Variants in WIZ observed in about 807,000 individuals in gnomAD.
The protein encoded by WIZ is WIZ zinc finger, also known as protein Wiz.
Under a neutral mutation model 140.2 loss-of-function variants are expected in WIZ, and 25 were observed. The ratio of observed to expected loss-of-function variants is 0.18; its 90% CI spans 0.13 to 0.25. The LOEUF (loss-of-function observed/expected upper bound fraction) is 0.25. Ranked by LOEUF, WIZ falls within the 10% of genes least tolerant of loss-of-function variation. The pLI, the probability that WIZ is intolerant of heterozygous loss-of-function variation, is 1.00. For missense variants in WIZ, 2,231 were observed against 2,632.6 expected, an observed-to-expected ratio of 0.85 and a Z score of 3.34; for synonymous variants, 1,125 against 1,154.3, an observed-to-expected ratio of 0.97 and a Z score of 0.51.
intron 5 of WIZ, among the ~76,000 whole-genome samples, chr19:15,431,554 T>C (rs1247551119): frequency 1.3e-5 from 2 of 152,046 alleles, no homozygotes; most frequent in Non-Finnish European, 2.9e-5. Flanking sequence ...AGAGAGGGAA[T>C]TCAACACAAC....
In WIZ at chr19:15,427,315, G is replaced by T; in HGVS notation, c.4033C>A (p.Pro1345Thr). Residue 1345 changes from proline to threonine, a missense_variant, in exon 9 of 13, where the codon CCA becomes ACA. Physicochemically the swap from Pro to Thr is conservative, Grantham distance 38 (BLOSUM62 -1). This residue lies in a region of WIZ where 393 missense variants were observed against 451.7 expected (regional missense o/e 0.87). Transcript: ENST00000673675. The surrounding 1 kb of genome is among the most constrained non-coding windows in gnomAD (Gnocchi z 6.4). ...CCCATCATCTTGGCCAGGGCTTTTG[G>T]GCTTGGCCCTGGTGGGTTGGGAGGT... The part of the protein sequence containing the change: ...GGPPNPPGPS[P>T]KALAKMMGGA... The T allele has an allele frequency of 6.2e-7, 1 of 1,613,682 alleles. No individual in the cohort carries two copies. The highest frequency in any genetic ancestry group is 8.5e-7 in the Non-Finnish European group (1 of 1,179,854).
In WIZ at chr19:15,429,693, G is replaced by A; in HGVS notation, c.3308C>T (p.Thr1103Ile). 1 of 1,441,928 alleles carries A rather than the reference G, an allele frequency of 6.9e-7. No individual in the cohort carries two copies. Among genetic ancestry groups the A allele is most frequent in the South Asian group, 1.4e-5 (1 of 69,032 alleles). The allele number at this position is 1,441,928 out of a possible 1,614,324, so 89.3% of individuals were successfully genotyped here. Residue 1103 changes from threonine to isoleucine, a missense_variant, in exon 7 of 13, where the codon ACC becomes ATC. Around this residue, in one of 15 missense-constraint regions of WIZ, gnomAD observed 163 missense variants for 166.8 expected, o/e 0.98. Transcript: ENST00000673675. ...GCTCTTGTCCTCAGGATTCTTAGGGGTAGGGGAGCCCGCCAGGGCCAGTGG... is the reference window on the plus strand; with the variant it reads ...GCTCTTGTCCTCAGGATTCTTAGGGATAGGGGAGCCCGCCAGGGCCAGTGG... ...KTPLALAGSP[T>I]PKNPEDKSPQ...
intron 5 of WIZ, among the ~76,000 whole-genome samples, chr19:15,432,712 C>T (rs1454665293): frequency 6.6e-6 from 1 of 150,774 alleles, no homozygotes; most frequent in Non-Finnish European, 1.5e-5. Context: ...CATCTTGGCT[C>T]CGGCGCACGC....
In WIZ at chr19:15,428,063, G is replaced by T; in HGVS notation, c.3814+47C>A. 6.6e-7 allele frequency: 1 copy of T among 1,522,846 alleles called. No individual in the cohort carries two copies. The highest frequency in any genetic ancestry group is 8.8e-7 in the Non-Finnish European group (1 of 1,142,038). 94.3% of individuals were successfully genotyped at this position (1,522,846 alleles called of 1,614,324 possible). ...GGCTGTGACCCCCCCCCCGGGAGGG[G>T]CTCCAGGGCCCGCAGTGAGGAGGGG... On this transcript the variant is annotated intron_variant, in intron 8 of 12. Transcript: ENST00000673675. The surrounding 1 kb of genome is among the most constrained non-coding windows in gnomAD (Gnocchi z 6.4).
At chr19:15,435,392 C>A (rs1434385295) in intron 5 of WIZ, among the ~76,000 whole-genome samples, 1 of 151,920 alleles carries the variant, frequency 6.6e-6, no homozygotes, top group African/African-American at 2.4e-5. Flanking sequence ...ATTGCTTGAG[C>A]CCAGGAGTTC....
chr19:15,427,165 G>C lies in WIZ; in HGVS notation c.4183C>G (p.Pro1395Ala). 3 of 1,614,224 alleles carry C rather than the reference G, an allele frequency of 1.9e-6. No individual in the cohort carries two copies. The highest frequency in any genetic ancestry group is 2.5e-6 in the Non-Finnish European group (3 of 1,180,038). ...GGGAACATCTTTCGGGCCGTAGGAGGAGGAGAGGCAGTTGGTGAGTGGCCC... is the reference window on the plus strand; with the variant it reads ...GGGAACATCTTTCGGGCCGTAGGAGCAGGAGAGGCAGTTGGTGAGTGGCCC... ...PLGHSPTASP[P>A]PTARKMFPGL... Residue 1395 changes from proline (P) to alanine (A), a missense_variant, in exon 9 of 13, where the codon CCT (proline) becomes GCT (alanine). Physicochemically the swap from Pro to Ala is conservative, Grantham distance 27. This residue lies in a region of WIZ where 393 missense variants were observed against 451.7 expected (regional missense o/e 0.87). Transcript: ENST00000673675. The surrounding 1 kb of genome is among the most constrained non-coding windows in gnomAD (Gnocchi z 6.4).
intron 2 of WIZ, among the ~76,000 whole-genome samples, chr19:15,444,204 C>T (rs1016568092): frequency 1.3e-5 from 2 of 151,960 alleles, no homozygotes; most frequent in East Asian, 1.9e-4. Context: ...CCAATTGGCC[C>T]GAGAAATTGA....
In WIZ at chr19:15,442,698, C is replaced by T. The variant is rs925802941; in HGVS notation, c.256G>A (p.Ala86Thr). The change falls in exon 3 of 13, where the codon GCC (alanine) becomes ACC (threonine). Residue 86 changes from alanine to threonine, a missense_variant. Transcript: ENST00000673675. The surrounding 1 kb of genome is among the most constrained non-coding windows in gnomAD (Gnocchi z 5.5). Reference protein sequence around the residue: ...LSEALPRVTSATHRISSCCWD... With the variant: ...LSEALPRVTSTTHRISSCCWD... ...CACCAGCTGCTGATCCGATGGGTGG[C>T]GGAGGTGACACGGGGGAGGGCTTCG... 3.2e-6 allele frequency: 4 copies of T among 1,232,498 alleles called. No individual in the cohort carries two copies. Among genetic ancestry groups the T allele is most frequent in the African/African-American group, 1.5e-5 (1 of 64,528 alleles). The allele number at this position is 1,232,498 out of a possible 1,614,324, so 76.3% of individuals were successfully genotyped here.
intron 5 of WIZ, among the ~76,000 whole-genome samples, chr19:15,434,338 G>A (rs1447025127): frequency 6.6e-6 from 1 of 151,322 alleles, no homozygotes; most frequent in African/African-American, 2.4e-5. Context: ...GAGGCGGGCG[G>A]ATCACAAGGT....
chr19:15,421,117 AAAAAT>A lies in WIZ; in HGVS notation c.*1954_*1958del, dbSNP rs1287475927. 1.3e-5 allele frequency: 2 copies of A among 152,208 alleles called. No homozygotes were observed. Among genetic ancestry groups the A allele is most frequent in the East Asian group, 1.9e-4 (1 of 5,202 alleles). 9.4% of individuals were successfully genotyped at this position (152,208 alleles called of 1,614,324 possible). A position where few individuals can be genotyped will look rare whatever the true frequency, so the allele number is the denominator to read the frequency against. On this transcript the variant is annotated 3_prime_UTR_variant, in exon 13 of 13. Transcript: ENST00000673675. ...GGCAACAAAATGAGACCCTGTCTCA[AAAAAT>A]AAAATAAAAAAATAAAAACTGACTT...
rs967995024 is a variant in WIZ at position 15,438,812 on chromosome 19, C to T, written c.2182G>A (p.Gly728Ser). The change falls in exon 4 of 13, where the codon GGC becomes AGC. Residue 728 changes from glycine to serine, a missense_variant. Coordinates refer to ENST00000673675, the MANE Select transcript of WIZ (RefSeq NM_001371589.1). ...DFLLLDAPLG[G>S]PLGLDTLLDG... ...AGGAGTGTGTCCAGCCCCAGCGGGCCGCCCAGCGGCGCGTCCAGGAGCAGG... is the reference window on the plus strand; with the variant it reads ...AGGAGTGTGTCCAGCCCCAGCGGGCTGCCCAGCGGCGCGTCCAGGAGCAGG... The T allele has an allele frequency of 8.0e-6, 12 of 1,509,152 alleles. No homozygotes were observed. The Admixed American group carries it at 1.2e-4, about 15-fold the overall frequency. The allele number at this position is 1,509,152 out of a possible 1,614,324, so 93.5% of individuals were successfully genotyped here. A position where few individuals can be genotyped will look rare whatever the true frequency, so the allele number is the denominator to read the frequency against.
intron 2 of WIZ, among the ~76,000 whole-genome samples, chr19:15,444,084 G>A (rs1328405606): frequency 6.6e-6 from 1 of 152,216 alleles, no homozygotes; most frequent in African/African-American, 2.4e-5. Flanking sequence ...GGGGGAACTT[G>A]TGCCCCGTCC....
Position 15,424,220 on chromosome 19 carries a change from C to A in WIZ, c.5473G>T (p.Val1825Phe). 2 of 1,576,730 alleles carry A rather than the reference C, an allele frequency of 1.3e-6. No individual in the cohort carries two copies. Among genetic ancestry groups the A allele is most frequent in the Admixed American group, 1.9e-5 (1 of 52,020 alleles). The change falls in exon 12 of 13, where the codon GTC (valine) becomes TTC (phenylalanine). Residue 1825 changes from valine (V) to phenylalanine (F), a missense_variant. This residue lies in a region of WIZ where 299 missense variants were observed against 309.6 expected (regional missense o/e 0.97). Transcript: ENST00000673675. This position sits in a 1 kb window ranked among gnomAD's most constrained non-coding sequence, Gnocchi z 9.7. ...LVPRPPQTSL[V>F]KFVGNIYTLK... ...GTGTAGATGTTGCCCACGAACTTGA[C>A]AAGTGATGTCTGGGGGGGCCGGGGC... is the stretch of plus-strand genomic sequence containing the variant.
chr19:15,440,298 C>A lies in WIZ; in HGVS notation c.696G>T (p.Ala232=). 6.7e-7 allele frequency: 1 copy of A among 1,500,890 alleles called. No individual in the cohort carries two copies. The highest frequency in any genetic ancestry group is 8.9e-7 in the Non-Finnish European group (1 of 1,127,470). The allele number at this position is 1,500,890 out of a possible 1,614,324, so 93.0% of individuals were successfully genotyped here. Residue 232 remains alanine, a synonymous_variant, in exon 4 of 13, where the codon GCG becomes GCT. Coordinates refer to ENST00000673675, the MANE Select transcript of WIZ (RefSeq NM_001371589.1). The surrounding 1 kb of genome is among the most constrained non-coding windows in gnomAD (Gnocchi z 6.2). ...VEDTPKTLDM[A]VVGGREDLED... ...CCAGATCTTCTCTGCCACCCACCAC[C>A]GCCATGTCCAGCGTCTTCGGGGTGT...
chr19:15,428,457 C>G lies in WIZ; in HGVS notation c.3467G>C (p.Trp1156Ser). Residue 1156 changes from tryptophan to serine, a missense_variant, in exon 8 of 13, where the codon TGG (tryptophan) becomes TCG (serine). Coordinates refer to ENST00000673675, the MANE Select transcript of WIZ (RefSeq NM_001371589.1). This position sits in a 1 kb window ranked among gnomAD's most constrained non-coding sequence, Gnocchi z 6.4. ...RELDCQLCGAWFETRKGLSSH... is the reference protein window; with the variant it reads ...RELDCQLCGASFETRKGLSSH... ...AGACAGGCCCTTGCGGGTCTCAAACCAGGCACCGCACAGCTGGCAGTCCAG... is the reference window on the plus strand; with the variant it reads ...AGACAGGCCCTTGCGGGTCTCAAACGAGGCACCGCACAGCTGGCAGTCCAG... 1 of 1,535,650 alleles carries G rather than the reference C, an allele frequency of 6.5e-7. No individual in the cohort carries two copies. Among genetic ancestry groups the G allele is most frequent in the Non-Finnish European group, 8.7e-7 (1 of 1,146,836 alleles).
At chr19:15,438,448 G>A (rs1969596740) in intron 4 of WIZ, 130 bp downstream of exon 4, 29 of 1,121,156 alleles carry the variant, frequency 2.6e-5, no homozygotes, top group Non-Finnish European at 3.5e-5. Context: ...GGCCTTCACT[G>A]TGGCTCTCAA....
At chr19:15,429,450 G>T in intron 7 of WIZ, 136 bp downstream of exon 7, 1 of 1,012,912 alleles carries the variant, frequency 9.9e-7, no homozygotes, top group Non-Finnish European at 1.3e-6. Context: ...CTCTGGCCTG[G>T]CTGGCCCAGG....
chr19:15,438,355 C>A (rs774388326), intron 4 of WIZ, among the ~76,000 whole-genome samples: 7 of 152,206 alleles, frequency 4.6e-5, no homozygotes, highest in Non-Finnish European at 1.0e-4. Context: ...CTGCCTGAGG[C>A]TGACTCTTCT....
Position 15,422,977 on chromosome 19 carries a change from C to T in WIZ, c.*99G>A. 1 of 1,516,304 alleles carries T rather than the reference C, an allele frequency of 6.6e-7. No individual in the cohort carries two copies. The highest frequency in any genetic ancestry group is 8.8e-7 in the Non-Finnish European group (1 of 1,133,356). The allele number at this position is 1,516,304 out of a possible 1,614,324, so 93.9% of individuals were successfully genotyped here. The stretch of plus-strand genomic sequence containing the variant: ...CGCCGGTTTGAGGTTTTGGCTTGCT[C>T]CTTTGGAAACGGAAAGAAAGAGGAA... On this transcript the variant is annotated 3_prime_UTR_variant, in exon 13 of 13. Coordinates refer to ENST00000673675, the MANE Select transcript of WIZ (RefSeq NM_001371589.1).
Sources: allele counts gnomAD v4.1 joint callset (sites outside exome capture counted in the v4.1 genomes callset), GRCh38; gene constraint gnomAD v4.1.1; regional missense constraint gnomAD v4.1.1; non-coding constraint Gnocchi (gnomAD v3.1); transcripts MANE v1.5; gene names NCBI Gene and HGNC (gene_info 2026-07-23, HGNC 2026-07-21).